UTRN: variants seen among roughly 807,000 people sequenced by gnomAD.
UTRN encodes the protein utrophin.
In UTRN, 283 loss-of-function variants were observed where a neutral mutation model predicts 463.9. The observed-to-expected ratio is 0.61, with a 90% CI of 0.55 to 0.67. The LOEUF (loss-of-function observed/expected upper bound fraction) is 0.67, where lower values mean the gene tolerates loss of function less well. UTRN is among the 30% of genes least tolerant of loss of function. The pLI is 0.00. For synonymous variants in UTRN, 1,442 were observed against 1,431.5 expected (o/e 1.01, Z -0.17); for missense variants, 3,922 against 4,084.3 (o/e 0.96, Z 1.08).
chr6:144,554,706 A>G lies in UTRN; in HGVS notation c.6947A>G (p.Gln2316Arg), dbSNP rs113513401. 2.9e-5 allele frequency: 47 copies of G among 1,614,046 alleles called. 1 individual carries two copies. The African/African-American group carries it at 3.1e-4, about 11-fold the overall frequency. The change falls in exon 49 of 75, where the codon CAG (glutamine) becomes CGG (arginine). Residue 2316 changes from glutamine to arginine, a missense_variant. Gln to Arg is a conservative substitution (Grantham distance 43). This residue lies in a region of UTRN where 1,309 missense variants were observed against 1,452.6 expected (regional missense o/e 0.90). Transcript: ENST00000367545. ...CCCTCAGTGGAAAGGGTCAAGAACC[A>G]GTGGGATGGCACCCAGCATGGCGTT... is the stretch of plus-strand genomic sequence containing the variant. ...ITEKLERVKNQWDGTQHGVEL... is the reference protein window; with the variant it reads ...ITEKLERVKNRWDGTQHGVEL...
chr6:144,341,404 A>G lies in UTRN; in HGVS notation c.79+49497A>G, dbSNP rs184253771. ...GATAGAATGTTTTAGGAAAAAGGTA[A>G]TTAACATCATTGTACATGAATTTGC... is the stretch of plus-strand genomic sequence containing the variant. On this transcript the variant is annotated intron_variant, in intron 2 of 74. Transcript: ENST00000367545. Among the ~76,000 whole-genome samples the G allele has an allele frequency of 2.8e-4, 43 of 152,336 alleles. No individual in the cohort carries two copies. In the East Asian group the frequency reaches 7.5e-3, roughly 27 times the overall value.
At chr6:144,490,292 A>T in intron 31 of UTRN, 93 bp downstream of exon 31, 1 of 1,497,024 alleles carries the variant, frequency 6.7e-7, no homozygotes, top group East Asian at 2.4e-5. Flanking sequence ...CACCGTTTGT[A>T]TTCTTTGTGA....
At chr6:144,605,141 C>T (rs1046736046) in intron 51 of UTRN, among the ~76,000 whole-genome samples, 15 of 152,238 alleles carry the variant, frequency 9.9e-5, no homozygotes, top group East Asian at 1.9e-4. Context: ...TTGGTCATTA[C>T]CCCTTGGATC....
intron 19 of UTRN, among the ~76,000 whole-genome samples, chr6:144,457,811 CT>C (rs1380541025): frequency 4.6e-5 from 7 of 152,280 alleles, no homozygotes; most frequent in Middle Eastern, 3.4e-3. Flanking sequence ...AGTTCAAGCT[CT>C]CATTATCCTG....
intron 16 of UTRN, 105 bp downstream of exon 16, chr6:144,447,886 C>G (rs1787852621): frequency 8.7e-7 from 1 of 1,150,624 alleles, no homozygotes; most frequent in Non-Finnish European, 1.2e-6. Context: ...AAGTTGTTTC[C>G]TTACACCTGA....
rs1562460956 is a variant in UTRN, at chr6:144,477,872, TATCTATCTATC to T, written c.3337-1939_3337-1929del. ...GGTGATAATTAGAAGTTTGTATCTC[TATCTATCTATC>T]TATCTATCTATCTATCTATCTATCT... On this transcript the variant is annotated intron_variant, in intron 25 of 74. Coordinates refer to ENST00000367545, the MANE Select transcript of UTRN (RefSeq NM_007124.3). 3.6e-3 allele frequency among the ~76,000 whole-genome samples: 437 copies of T among 120,424 alleles called. 5 individuals carry two copies. Among genetic ancestry groups the T allele is most frequent in the African/African-American group, 0.01 (368 of 35,388 alleles). 79.0% of individuals were successfully genotyped at this position (120,424 alleles called of 152,430 possible).
chr6:144,420,960 T>C (rs1784784435), intron 3 of UTRN, among the ~76,000 whole-genome samples: 1 of 152,248 alleles, frequency 6.6e-6, no homozygotes, highest in African/African-American at 2.4e-5. Flanking sequence ...TTTATTGTTC[T>C]TTCTTCCACT....
At chr6:144,518,149 A>G (rs554313527) in intron 39 of UTRN, among the ~76,000 whole-genome samples, 10 of 152,266 alleles carry the variant, frequency 6.6e-5, no homozygotes, top group South Asian at 2.1e-4. Flanking sequence ...ATTTAGACTA[A>G]TGATTTTCTC....
rs554423062 is a variant in UTRN, at chr6:144,739,020, A to T, written c.7939+8534A>T. Among the ~76,000 whole-genome samples the T allele has an allele frequency of 1.1e-4, 16 of 152,274 alleles. 1 individual carries two copies. The South Asian group carries it at 3.3e-3, about 32-fold the overall frequency. ...ATAGTTGTGTATGAATGTATATGTG[A>T]TGAATAGTTAATAATAATTTTTCAG... On this transcript the variant is annotated intron_variant, in intron 54 of 74. Coordinates refer to ENST00000367545, the MANE Select transcript of UTRN (RefSeq NM_007124.3).
Position 144,458,772 on chromosome 6 carries a change from G to A in UTRN, c.2287G>A (p.Gly763Ser), listed in dbSNP as rs752694372. The A allele has an allele frequency of 2.0e-4, 324 of 1,587,650 alleles. No homozygotes were observed. Among genetic ancestry groups the A allele is most frequent in the South Asian group, 4.2e-4 (36 of 84,974 alleles). Residue 763 changes from glycine (G) to serine (S), a missense_variant and splice_region_variant, in exon 20 of 75, where the codon GGC (glycine) becomes AGC (serine). Gly to Ser is a moderately conservative substitution (Grantham distance 56). Transcript: ENST00000367545. ...GCTTGTTTTTCATGTCTGCATAGAAGGCCTTCCTACTGAAGAAATAAAAAA... is the reference window on the plus strand; with the variant it reads ...GCTTGTTTTTCATGTCTGCATAGAAAGCCTTCCTACTGAAGAAATAAAAAA... ...QILVEQMGKE[G>S]LPTEEIKNVL...
intron 69 of UTRN, 76 bp downstream of exon 69, chr6:144,828,931 G>T: frequency 6.7e-7 from 1 of 1,503,102 alleles, no homozygotes. Flanking sequence ...AATCTTCACT[G>T]ATGTGGCTCT....
intron 60 of UTRN, among the ~76,000 whole-genome samples, chr6:144,777,409 A>G (rs1049980543): frequency 1.3e-5 from 2 of 152,236 alleles, no homozygotes; most frequent in Admixed American, 6.5e-5. Flanking sequence ...GTTCAAACCC[A>G]TGCAAAACTA....
At chr6:144,821,045 A>G (rs769021552) in intron 66 of UTRN, 27 bp downstream of exon 66, 2 of 1,608,446 alleles carry the variant, frequency 1.2e-6, no homozygotes, top group African/African-American at 1.3e-5. Flanking sequence ...TATTAAATCT[A>G]GTGTGAACAT....
intron 34 of UTRN, among the ~76,000 whole-genome samples, chr6:144,507,784 C>T (rs1003583343): frequency 1.3e-4 from 20 of 152,164 alleles, no homozygotes; most frequent in African/African-American, 3.4e-4. Flanking sequence ...TAGCAGAGTT[C>T]GAGCTCTGTG....
At chr6:144,291,713 C>T (rs1804267279) in intron 1 of UTRN, 24 bp from the exon 2 acceptor site, 16 of 711,048 alleles carry the variant, frequency 2.3e-5, no homozygotes, top group Non-Finnish European at 3.3e-5. Context: ...TTTTTCAAGT[C>T]AGTACTTTCC....
At chr6:144,738,344 G>A (rs2128718260) in intron 54 of UTRN, among the ~76,000 whole-genome samples, 1 of 152,320 alleles carries the variant, frequency 6.6e-6, no homozygotes, top group South Asian at 2.1e-4. Flanking sequence ...CAGTGAAGCT[G>A]TGCAAGACAA....
At chr6:144,421,708 A>AAAAT (rs147148761) in intron 3 of UTRN, among the ~76,000 whole-genome samples, 170 bp from the exon 4 acceptor site, 5 of 151,710 alleles carry the variant, frequency 3.3e-5, no homozygotes, top group South Asian at 2.1e-4. Flanking sequence ...TTAATTAATT[A>AAAAT]AAATAAATAA....
At chr6:144,321,877 C>T (rs970940630) in intron 2 of UTRN, among the ~76,000 whole-genome samples, 2 of 151,984 alleles carry the variant, frequency 1.3e-5, no homozygotes, top group African/African-American at 4.8e-5. Flanking sequence ...GAGTCTCCTG[C>T]CTCGGCCTCC....
At chr6:144,789,127 A>G (rs1776543504) in intron 61 of UTRN, 67 bp from the exon 62 acceptor site, 1 of 1,264,140 alleles carries the variant, frequency 7.9e-7, no homozygotes, top group Admixed American at 2.2e-5. Flanking sequence ...ATAGATATTC[A>G]GAAACAATGA....
Sources: gnomAD v4.1 joint callset for allele counts (sites outside exome capture counted in the v4.1 genomes callset) on GRCh38, gnomAD v4.1.1 for gene constraint, gnomAD v4.1.1 regional missense constraint, MANE v1.5 for transcripts, NCBI Gene and HGNC (gene_info 2026-07-23, HGNC 2026-07-21) for gene names.